The following KLF5 variants were observed in gnomAD, a reference collection of about 807,000 sequenced individuals.
The protein encoded by KLF5 is KLF transcription factor 5.
A neutral mutation model predicts 36.9 loss-of-function variants in KLF5; 9 were observed. The ratio of observed to expected loss-of-function variants is 0.24; its 90% confidence interval spans 0.15 to 0.43. KLF5 has a LOEUF of 0.43. Ranked by LOEUF, KLF5 falls within the 20% of genes least tolerant of loss-of-function variation. KLF5 has a pLI of 1.00. For synonymous variants in KLF5, 246 were observed against 241.7 expected (o/e 1.02, Z -0.17); for missense variants, 524 against 599.5 (o/e 0.87, Z 1.31).
Position 73,062,796 on chromosome 13 carries a change from TG to T in KLF5, c.1135+63del, listed in dbSNP as rs1354317253. ...TAGTGTGTGTGTGTGTGTGTCTGTG[TG>T]CGCGCGCGTGTGCGTGTGTGCACGC... On this transcript the variant is annotated intron_variant, in intron 2 of 3. Transcript: ENST00000377687. 18 of 1,458,188 alleles carry T rather than the reference TG, an allele frequency of 1.2e-5. 1 individual carries two copies. Among genetic ancestry groups the T allele is most frequent in the Middle Eastern group, 3.5e-4 (2 of 5,636 alleles). The allele number at this position is 1,458,188 out of a possible 1,614,324, so 90.3% of individuals were successfully genotyped here. A position where few individuals can be genotyped will look rare whatever the true frequency, so the allele number is the denominator to read the frequency against.
upstream of KLF5, among the ~76,000 whole-genome samples, chr13:73,058,433 G>A (rs1050997863): frequency 4.6e-5 from 7 of 152,334 alleles, no homozygotes; most frequent in Admixed American, 3.9e-4. Context: ...CACTGCTAAA[G>A]ATACACAGGG....
chr13:73,059,975 T>A (rs944222568), intron 1 of KLF5: 12 of 183,358 alleles, frequency 6.5e-5, no homozygotes, highest in Non-Finnish European at 1.1e-4. Flanking sequence ...GCCAAGGCAT[T>A]GGAGCCCTCC....
rs760216709 is a variant in KLF5, at chr13:73,063,830, C to T, written c.1142C>T (p.Thr381Ile). ...CTGTTCTCCTTTATTTTAGGTTGCA[C>T]AAAAGTTTATACCAAGTCTTCTCAT... ...RIHYCDYPGC[T>I]KVYTKSSHLK... The change falls in exon 3 of 4, where the codon ACA becomes ATA. Residue 381 changes from threonine to isoleucine, a missense_variant. By Grantham distance (89) the Thr-to-Ile change is moderately conservative. Around this residue, in one of 4 missense-constraint regions of KLF5, gnomAD observed 46 missense variants for 105.8 expected, o/e 0.43. Coordinates refer to ENST00000377687, the MANE Select transcript of KLF5 (RefSeq NM_001730.5). 1.9e-6 allele frequency: 3 copies of T among 1,604,300 alleles called. No individual in the cohort carries two copies. In the Admixed American group the frequency reaches 5.0e-5, roughly 27 times the overall value.
In KLF5 at chr13:73,075,880, G is replaced by A; in HGVS notation, c.1368G>A (p.Gln456=). The A allele has an allele frequency of 6.3e-7, 1 of 1,588,930 alleles. No individual in the cohort carries two copies. The highest frequency in any genetic ancestry group is 8.6e-7 in the Non-Finnish European group (1 of 1,160,238). Residue 456 remains glutamine (Q), a synonymous_variant, in exon 4 of 4, where the codon CAG becomes CAA. Transcript: ENST00000377687. ...DHLALHMKRH[Q]N ...TGGCCCTGCATATGAAGAGGCACCA[G>A]AACTGAGCACTGCCCGTGTGACCCG...
chr13:73,059,089 G>C lies in KLF5; in HGVS notation c.-239G>C. 5.5e-6 allele frequency: 2 copies of C among 364,828 alleles called. No individual in the cohort carries two copies. The highest frequency in any genetic ancestry group is 8.2e-5 in the East Asian group (2 of 24,248). 22.6% of individuals were successfully genotyped at this position (364,828 alleles called of 1,614,324 possible). On this transcript the variant is annotated 5_prime_UTR_variant, in exon 1 of 4. Coordinates refer to ENST00000377687, the MANE Select transcript of KLF5 (RefSeq NM_001730.5). ...CGGGCTCCGGAGAGCCTGAGAGCAC[G>C]GTGGGGCGGGGCGGGAGAAAGTGGC...
At chr13:73,066,401 C>T (rs765513506) in intron 3 of KLF5, among the ~76,000 whole-genome samples, 1 of 151,406 alleles carries the variant, frequency 6.6e-6, no homozygotes, top group Non-Finnish European at 1.5e-5. Flanking sequence ...TATGTAATAG[C>T]TTTTTTTGGT....
intron 2 of KLF5, among the ~76,000 whole-genome samples, 170 bp downstream of exon 2, chr13:73,062,904 T>C (rs77521511): frequency 6.6e-5 from 10 of 150,454 alleles, no homozygotes; most frequent in African/African-American, 1.9e-4. Context: ...TTTTTTTTTT[T>C]CTCTATCCTA....
At chr13:73,062,870 A>T in intron 2 of KLF5, 136 bp downstream of exon 2, 1 of 637,846 alleles carries the variant, frequency 1.6e-6, no homozygotes, top group Non-Finnish European at 2.6e-6. Flanking sequence ...GTTGTACTTG[A>T]CAGTAAAAAA....
At position 73,062,703 on chromosome 13, in the gene KLF5, G is replaced by C; in HGVS notation, c.1104G>C (p.Glu368Asp). ...ATAGAAGGAGTAACCCCGATTTGGA[G>C]AAACGACGCATCCACTACTGCGATT... ...RYNRRSNPDLEKRRIHYCDYP... is the reference protein window; with the variant it reads ...RYNRRSNPDLDKRRIHYCDYP... Residue 368 changes from glutamate to aspartate, a missense_variant, in exon 2 of 4, where the codon GAG becomes GAC. Transcript: ENST00000377687. The C allele has an allele frequency of 6.2e-7, 1 of 1,614,048 alleles. No homozygotes were observed. The highest frequency in any genetic ancestry group is 8.5e-7 in the Non-Finnish European group (1 of 1,180,002).
At chr13:73,063,973 C>G (rs2044659783) in intron 3 of KLF5, 90 bp downstream of exon 3, 1 of 581,374 alleles carries the variant, frequency 1.7e-6, no homozygotes, top group Non-Finnish European at 2.9e-6. Flanking sequence ...TTGATCTCTT[C>G]TCCTGTCAAC....
At position 73,059,235 on chromosome 13, in the gene KLF5, G is replaced by C. The variant is rs1461975897; in HGVS notation, c.-93G>C. ...CACCCGAAACCTCCCCTCCTCCGCC[G>C]GCAGCCCCGCGCTGAGCTCGCCGAC... On this transcript the variant is annotated 5_prime_UTR_variant, in exon 1 of 4. Coordinates refer to ENST00000377687, the MANE Select transcript of KLF5 (RefSeq NM_001730.5). 9.2e-6 allele frequency: 11 copies of C among 1,201,656 alleles called. No homozygotes were observed. In the Admixed American group the frequency reaches 1.7e-4, roughly 19 times the overall value. The allele number at this position is 1,201,656 out of a possible 1,614,324, so 74.4% of individuals were successfully genotyped here.
At chr13:73,059,704 G>C in intron 1 of KLF5, 116 bp downstream of exon 1, 1 of 961,158 alleles carries the variant, frequency 1.0e-6, no homozygotes, top group Non-Finnish European at 1.3e-6. Flanking sequence ...GGGGCGCACC[G>C]GAGCCGGTGC....
At chr13:73,075,152 C>T (rs1017342133) in intron 3 of KLF5, 2 of 152,228 alleles carry the variant, frequency 1.3e-5, no homozygotes, top group African/African-American at 4.8e-5. Context: ...GATTGATGAG[C>T]TGCAAGCTTC....
Position 73,075,986 on chromosome 13 carries a change from A to C in KLF5, c.*100A>C. 1 of 976,836 alleles carries C rather than the reference A, an allele frequency of 1.0e-6. No homozygotes were observed. The highest frequency in any genetic ancestry group is 1.4e-6 in the Non-Finnish European group (1 of 700,160). 60.5% of individuals were successfully genotyped at this position (976,836 alleles called of 1,614,324 possible). A position where few individuals can be genotyped will look rare whatever the true frequency, so the allele number is the denominator to read the frequency against. On this transcript the variant is annotated 3_prime_UTR_variant, in exon 4 of 4. Transcript: ENST00000377687. ...CAACAAAAACAAACAAAAGCAAGAA[A>C]ACCACAACTAAAACTGGAAATGTAT...
intron 3 of KLF5, among the ~76,000 whole-genome samples, chr13:73,069,271 C>T (rs753315239): frequency 6.6e-6 from 1 of 152,112 alleles, no homozygotes; most frequent in Non-Finnish European, 1.5e-5. Flanking sequence ...CAAAGGTTTT[C>T]ACTCTGGGCC....
chr13:73,062,255 T>C lies in KLF5; in HGVS notation c.656T>C (p.Leu219Pro), dbSNP rs1450036037. ...KQELPTPDLH[L>P]SVPTQQGHLY... ...GAACTTCCTACACCAGATCTTCATCTTTCTGTCCCTACCCAGCAGGGCCAC... is the reference window on the plus strand; with the variant it reads ...GAACTTCCTACACCAGATCTTCATCCTTCTGTCCCTACCCAGCAGGGCCAC... The change falls in exon 2 of 4, where the codon CTT (leucine) becomes CCT (proline). Residue 219 changes from leucine to proline, a missense_variant. Physicochemically the swap from Leu to Pro is moderately conservative, Grantham distance 98. Around this residue, in one of 4 missense-constraint regions of KLF5, gnomAD observed 454 missense variants for 458.1 expected, o/e 0.99. Coordinates refer to ENST00000377687, the MANE Select transcript of KLF5 (RefSeq NM_001730.5). 5 of 1,614,160 alleles carry C rather than the reference T, an allele frequency of 3.1e-6. No individual in the cohort carries two copies. The Admixed American group carries it at 8.3e-5, about 27-fold the overall frequency.
At chr13:73,063,980 C>CA (rs1389948272) in intron 3 of KLF5, 97 bp downstream of exon 3, 36 of 420,040 alleles carry the variant, frequency 8.6e-5, no homozygotes, top group Non-Finnish European at 1.2e-4. Flanking sequence ...CTTCTCCTGT[C>CA]AACTTTGTTT....
chr13:73,062,802 CGCGTGTGCGTGTGTGCACGCGCGT>C (rs1022434167), intron 2 of KLF5, 68 bp downstream of exon 2: 1 of 1,394,526 alleles, frequency 7.2e-7, no homozygotes, highest in Non-Finnish European at 9.8e-7. Context: ...TGTGTGCGCG[CGCGTGTGCGTGTGTGCACGCGCGT>C]GCCCTTTTCA....
intron 3 of KLF5, among the ~76,000 whole-genome samples, chr13:73,066,000 G>A (rs1448355165): frequency 2.0e-5 from 3 of 152,192 alleles, no homozygotes; most frequent in South Asian, 2.1e-4. Flanking sequence ...AAAGAAGACC[G>A]AGACCTGGTT....
Sources: gnomAD v4.1 joint callset for allele counts (sites outside exome capture counted in the v4.1 genomes callset) on GRCh38, gnomAD v4.1.1 for gene constraint, gnomAD v4.1.1 regional missense constraint, MANE v1.5 for transcripts, NCBI Gene and HGNC (gene_info 2026-07-23, HGNC 2026-07-21) for gene names.